PHF14: variants seen among roughly 807,000 people sequenced by gnomAD.
The protein encoded by PHF14 is PHD finger protein 14.
In PHF14, 55 loss-of-function variants were observed where a neutral mutation model predicts 117.9. The observed-to-expected ratio is 0.47, with a 90% CI of 0.38 to 0.58. The LOEUF is 0.58. Ranked by LOEUF, PHF14 falls within the 20% of genes least tolerant of loss-of-function variation. The probability of loss-of-function intolerance (pLI) is 0.00; values close to 1 mark genes in which losing one functional copy is unlikely to be tolerated. For synonymous variants in PHF14, 409 were observed against 368.6 expected (o/e 1.11, Z -1.26); for missense variants, 978 against 1,122.2 (o/e 0.87, Z 1.84).
At position 11,037,035 on chromosome 7, in the gene PHF14, A is replaced by T; in HGVS notation, c.1924A>T (p.Asn642Tyr). ...QIQENMAEQK[N>Y]IKDKLENEQE... ...TCAGGAAAATATGGCTGAACAAAAG[A>T]ATATAAAAGATAAATTAGAGAATGA... The change falls in exon 10 of 18, where the codon AAT (asparagine) becomes TAT (tyrosine). Residue 642 changes from asparagine (N) to tyrosine (Y), a missense_variant. Physicochemically the swap from Asn to Tyr is moderately radical, Grantham distance 143 (BLOSUM62 -2). Coordinates refer to ENST00000634607, the MANE Select transcript of PHF14 (RefSeq NM_001007157.2). The T allele has an allele frequency of 6.6e-7, 1 of 1,512,584 alleles. No homozygotes were observed. Among genetic ancestry groups the T allele is most frequent in the Non-Finnish European group, 9.1e-7 (1 of 1,103,982 alleles). 93.7% of individuals were successfully genotyped at this position (1,512,584 alleles called of 1,614,324 possible).
chr7:11,089,168 G>T (rs1293319534), intron 16 of PHF14, among the ~76,000 whole-genome samples: 1 of 151,444 alleles, frequency 6.6e-6, no homozygotes, highest in East Asian at 1.9e-4. Context: ...TTTATCAGGA[G>T]CAACCATTGA....
chr7:10,975,597 T>C (rs949606898), intron 2 of PHF14, among the ~76,000 whole-genome samples: 1 of 152,208 alleles, frequency 6.6e-6, no homozygotes, highest in East Asian at 1.9e-4. Flanking sequence ...TTCTGTTCAG[T>C]GTACCTTATG....
intron 3 of PHF14, among the ~76,000 whole-genome samples, chr7:10,983,541 G>A (rs1428326196): frequency 6.6e-6 from 1 of 152,074 alleles, no homozygotes; most frequent in African/African-American, 2.4e-5. Flanking sequence ...CAACTTAGTT[G>A]TGTCCATATC....
chr7:11,075,786 C>G (rs1785826085), intron 16 of PHF14, among the ~76,000 whole-genome samples: 1 of 151,756 alleles, frequency 6.6e-6, no homozygotes. Flanking sequence ...ATTAATATCT[C>G]CTTTGAATTG....
chr7:11,119,828 G>T (rs552724388), intron 17 of PHF14, among the ~76,000 whole-genome samples: 8 of 151,866 alleles, frequency 5.3e-5, no homozygotes, highest in African/African-American at 1.9e-4. Context: ...ATGAACTCTG[G>T]TAGTTAATGG....
chr7:10,978,775 C>A (rs1346003918), intron 2 of PHF14, among the ~76,000 whole-genome samples: 1 of 152,066 alleles, frequency 6.6e-6, no homozygotes, highest in African/African-American at 2.4e-5. Flanking sequence ...GTTGTGGCAA[C>A]TATTGTTTCC....
chr7:11,118,905 A>G (rs1322176672), intron 17 of PHF14, among the ~76,000 whole-genome samples: 2 of 151,894 alleles, frequency 1.3e-5, no homozygotes, highest in Non-Finnish European at 2.9e-5. Context: ...TGATACACAT[A>G]TTTTGATATA....
In PHF14 at chr7:10,983,086, T is replaced by C; in HGVS notation, c.827T>C (p.Leu276Pro). ...GGCKKKKSKV[L>P]SRNSADDEEL... ...TGCAAGAAGAAGAAGAGTAAAGTTCTTAGCAGAAACAGTGCTGATGATGAG... is the reference window on the plus strand; with the variant it reads ...TGCAAGAAGAAGAAGAGTAAAGTTCCTAGCAGAAACAGTGCTGATGATGAG... Residue 276 changes from leucine (L) to proline (P), a missense_variant, in exon 3 of 18, where the codon CTT (leucine) becomes CCT (proline). Physicochemically the swap from Leu to Pro is moderately conservative, Grantham distance 98 (BLOSUM62 -3). This residue lies in a region of PHF14 where 414 missense variants were observed against 376.4 expected (regional missense o/e 1.10). Transcript: ENST00000634607. The C allele has an allele frequency of 1.3e-6, 2 of 1,599,304 alleles. No individual in the cohort carries two copies. The highest frequency in any genetic ancestry group is 1.7e-6 in the Non-Finnish European group (2 of 1,179,594).
In PHF14 at chr7:11,061,867, A is replaced by G. The variant is rs781523230; in HGVS notation, c.2532+26A>G. On this transcript the variant is annotated intron_variant, in intron 15 of 17. Coordinates refer to ENST00000634607, the MANE Select transcript of PHF14 (RefSeq NM_001007157.2). ...GTTGGAATAAGTTAAGCACTTTTAC[A>G]CAGTCTTAACTTTGAGAAATTTTCT... 5 of 1,525,616 alleles carry G rather than the reference A, an allele frequency of 3.3e-6. No individual in the cohort carries two copies. The African/African-American group carries it at 7.0e-5, about 21-fold the overall frequency. The allele number at this position is 1,525,616 out of a possible 1,614,324, so 94.5% of individuals were successfully genotyped here.
chr7:11,123,866 C>T (rs577013913), intron 17 of PHF14, among the ~76,000 whole-genome samples: 91 of 149,542 alleles, frequency 6.1e-4, no homozygotes, highest in Non-Finnish European at 1.0e-3. Context: ...TGCAGTGAGC[C>T]GAGATCGTGC....
At chr7:10,991,550 TC>T (rs956873156) in intron 4 of PHF14, among the ~76,000 whole-genome samples, 86 of 151,846 alleles carry the variant, frequency 5.7e-4, no homozygotes, top group African/African-American at 2.0e-3. Flanking sequence ...CTTTAAGTGA[TC>T]CGCCTGCCTC....
intron 16 of PHF14, among the ~76,000 whole-genome samples, chr7:11,076,105 C>G (rs1020754007): frequency 6.6e-6 from 1 of 152,222 alleles, no homozygotes. Flanking sequence ...TGCCGCTGCA[C>G]TCCAGCCTGG....
intron 17 of PHF14, among the ~76,000 whole-genome samples, chr7:11,114,422 A>G (rs774258385): frequency 3.3e-5 from 5 of 151,942 alleles, no homozygotes; most frequent in African/African-American, 7.3e-5. Flanking sequence ...AAAAATTTCT[A>G]TCTTTACCCC....
At chr7:11,025,300 A>G (rs1783869309) in intron 6 of PHF14, among the ~76,000 whole-genome samples, 1 of 152,208 alleles carries the variant, frequency 6.6e-6, no homozygotes, top group Non-Finnish European at 1.5e-5. Context: ...TGCTATGAAC[A>G]TTGTTAAAAT....
Position 11,089,771 on chromosome 7 carries a change from T to G in PHF14, c.2655-21579T>G, listed in dbSNP as rs1786570308. On this transcript the variant is annotated intron_variant, in intron 16 of 17. Transcript: ENST00000634607. Reference sequence around the variant, plus strand: ...AATTGTTCATGCATTCTTTTTTTTTTTTTTTTTTTTTTTTTTGAGACGGAG... The same window carrying G: ...AATTGTTCATGCATTCTTTTTTTTTGTTTTTTTTTTTTTTTTGAGACGGAG... Among the ~76,000 whole-genome samples the G allele has an allele frequency of 2.8e-5, 4 of 145,358 alleles. 1 individual carries two copies. The South Asian group carries it at 9.3e-4, about 34-fold the overall frequency.
chr7:11,080,098 GT>G (rs1370784639), intron 16 of PHF14, among the ~76,000 whole-genome samples: 1 of 152,084 alleles, frequency 6.6e-6, no homozygotes, highest in African/African-American at 2.4e-5. Flanking sequence ...CGTAAAATGA[GT>G]TCAAAGTTTA....
At chr7:10,982,235 T>G (rs1453948313) in intron 2 of PHF14, 137 bp from the exon 3 acceptor site, 1 of 571,502 alleles carries the variant, frequency 1.7e-6, no homozygotes, top group African/African-American at 1.9e-5. Flanking sequence ...ATGTCTACCA[T>G]TCTTTGACTT....
At chr7:11,165,145 G>A (rs1022773054) in intron 17 of PHF14, among the ~76,000 whole-genome samples, 4 of 152,074 alleles carry the variant, frequency 2.6e-5, no homozygotes, top group Non-Finnish European at 4.4e-5. Flanking sequence ...GGATAGTCTC[G>A]GTCTCTTGAC....
At chr7:10,987,766 C>T (rs1327256194) in intron 3 of PHF14, among the ~76,000 whole-genome samples, 4 of 151,776 alleles carry the variant, frequency 2.6e-5, no homozygotes, top group Admixed American at 1.3e-4. Context: ...AGATGATATA[C>T]GTCTTCAGAA....
Sources: allele counts gnomAD v4.1 joint callset (sites outside exome capture counted in the v4.1 genomes callset), GRCh38; gene constraint gnomAD v4.1.1; regional missense constraint gnomAD v4.1.1; transcripts MANE v1.5; gene names NCBI Gene and HGNC (gene_info 2026-07-23, HGNC 2026-07-21).